Variants in OXR1 observed in about 807,000 individuals in gnomAD.
The protein encoded by OXR1 is oxidation resistance protein 1.
Under a neutral mutation model 104.6 loss-of-function variants are expected in OXR1, and 41 were observed. The observed-to-expected ratio is 0.39, with a 90% CI of 0.31 to 0.51. The LOEUF is 0.51. Among genes scored for constraint, OXR1 ranks in the 20% least tolerant of loss-of-function variants. OXR1 has a pLI of 0.77. For synonymous variants in OXR1, 348 were observed against 348.4 expected (o/e 1.00, Z 0.01); for missense variants, 955 against 1,031.9 (o/e 0.93, Z 1.02).
At chr8:106,671,692 A>ATC (rs1826998295) in intron 3 of OXR1, among the ~76,000 whole-genome samples, 1 of 151,820 alleles carries the variant, frequency 6.6e-6, no homozygotes, top group African/African-American at 2.4e-5. Flanking sequence ...GCTGGAAACC[A>ATC]TCATTCTCAG....
intron 2 of OXR1, among the ~76,000 whole-genome samples, chr8:106,481,943 T>A (rs1551266): frequency 0.11 from 16,403 of 151,998 alleles, 971 homozygotes; most frequent in African/African-American, 0.15. Context: ...ATATGTAAGA[T>A]AATACATTTG....
chr8:106,564,127 T>C (rs78246614), intron 3 of OXR1, among the ~76,000 whole-genome samples: 2 of 150,708 alleles, frequency 1.3e-5, no homozygotes, highest in Non-Finnish European at 3.0e-5. Flanking sequence ...AGGTAAGAAA[T>C]AACTAAGAGC....
At chr8:106,447,979 C>G (rs28459991) in intron 2 of OXR1, 2 of 1,535,226 alleles carry the variant, frequency 1.3e-6, no homozygotes, top group African/African-American at 2.7e-5. Flanking sequence ...AGATCCGCCC[C>G]GGCTCCCACA....
intron 2 of OXR1, among the ~76,000 whole-genome samples, chr8:106,397,062 C>CAT (rs1180225003): frequency 1.3e-5 from 2 of 151,940 alleles, no homozygotes; most frequent in Non-Finnish European, 2.9e-5. Flanking sequence ...GTAAATTATT[C>CAT]ATATTGCATT....
At chr8:106,468,408 C>CCA (rs147013671) in intron 2 of OXR1, among the ~76,000 whole-genome samples, 7 of 151,210 alleles carry the variant, frequency 4.6e-5, no homozygotes, top group African/African-American at 7.3e-5. Context: ...TATACTACAT[C>CCA]CACACACACA....
intron 2 of OXR1, among the ~76,000 whole-genome samples, chr8:106,503,207 A>C (rs1811924063): frequency 6.6e-6 from 1 of 152,224 alleles, no homozygotes; most frequent in Non-Finnish European, 1.5e-5. Context: ...CTTCTTTGGC[A>C]GTTTCAACCC....
intron 3 of OXR1, among the ~76,000 whole-genome samples, chr8:106,653,253 A>G (rs1159455339): frequency 1.3e-5 from 2 of 151,870 alleles, no homozygotes; most frequent in African/African-American, 4.8e-5. Flanking sequence ...ATACTTCTCA[A>G]TTCATTGTCA....
At chr8:106,507,594 G>A (rs1432330633) in intron 2 of OXR1, among the ~76,000 whole-genome samples, 1 of 152,218 alleles carries the variant, frequency 6.6e-6, no homozygotes, top group Non-Finnish European at 1.5e-5. Context: ...CAGGGAATCG[G>A]AGATGAAGCT....
At chr8:106,522,174 T>G (rs1379354161) in intron 3 of OXR1, among the ~76,000 whole-genome samples, 3 of 152,104 alleles carry the variant, frequency 2.0e-5, no homozygotes, top group Non-Finnish European at 4.4e-5. Context: ...CTAGAATTAT[T>G]TTCCTAGAAG....
chr8:106,467,827 T>C (rs931857715), intron 2 of OXR1, among the ~76,000 whole-genome samples: 4 of 151,912 alleles, frequency 2.6e-5, no homozygotes, highest in Non-Finnish European at 5.9e-5. Flanking sequence ...TTAGAGACAA[T>C]GTTGACAAAT....
chr8:106,590,411 T>C (rs575001825), intron 3 of OXR1, among the ~76,000 whole-genome samples: 3 of 152,252 alleles, frequency 2.0e-5, no homozygotes, highest in Admixed American at 6.5e-5. Context: ...CCTTAGCCTC[T>C]CAAGTACCTG....
intron 1 of OXR1, among the ~76,000 whole-genome samples, chr8:106,325,717 C>G (rs1437950409): frequency 1.3e-5 from 2 of 152,144 alleles, no homozygotes; most frequent in Non-Finnish European, 2.9e-5. Flanking sequence ...TCACTCAGAT[C>G]TGAATGCTTT....
intron 3 of OXR1, among the ~76,000 whole-genome samples, chr8:106,554,497 G>A (rs141647532): frequency 4.6e-5 from 7 of 152,178 alleles, no homozygotes; most frequent in South Asian, 4.1e-4. Context: ...AAATAAGACC[G>A]GTAGATTAGT....
At chr8:106,280,560 T>C (rs1389780727) in intron 1 of OXR1, among the ~76,000 whole-genome samples, 2 of 152,054 alleles carry the variant, frequency 1.3e-5, no homozygotes, top group African/African-American at 4.8e-5. Flanking sequence ...AGAATGGTGT[T>C]TGCAAGGGGA....
rs11348392 is a variant in OXR1 at position 106,636,315 on chromosome 8, A to AT, written c.221-42882dup. ...GTACTTACTCACTGTAAAGCACATCATTTTTTTTTTTTTATTTCTGGACAA... is the reference window on the plus strand; with the variant it reads ...GTACTTACTCACTGTAAAGCACATCATTTTTTTTTTTTTTATTTCTGGACAA... On this transcript the variant is annotated intron_variant, in intron 3 of 16. Transcript: ENST00000517566. Among the ~76,000 whole-genome samples, 1,040 of 148,736 alleles carry AT rather than the reference A, an allele frequency of 7.0e-3. 3 individuals are homozygous for AT. Among genetic ancestry groups the AT allele is most frequent in the African/African-American group, 0.017 (711 of 40,694 alleles).
At chr8:106,430,611 G>C (rs2130561703) in intron 2 of OXR1, among the ~76,000 whole-genome samples, 1 of 152,216 alleles carries the variant, frequency 6.6e-6, no homozygotes, top group East Asian at 1.9e-4. Flanking sequence ...ATAGAGTTTG[G>C]GATATTTTAG....
chr8:106,279,373 A>G lies in OXR1; in HGVS notation c.-139+9006A>G, dbSNP rs114659882. On this transcript the variant is annotated intron_variant, in intron 1 of 16. Transcript: ENST00000517566. ...AGCCTTTAAGGCATAGCTGTTGATT[A>G]TATACTGTATTAAGAGTTTTGTGTT... Among the ~76,000 whole-genome samples, 1,189 of 152,278 alleles carry G rather than the reference A, an allele frequency of 7.8e-3. 15 individuals are homozygous for G. Among genetic ancestry groups the G allele is most frequent in the African/African-American group, 0.026 (1,092 of 41,558 alleles).
chr8:106,282,413 A>G (rs1174372492), intron 1 of OXR1, among the ~76,000 whole-genome samples: 1 of 152,208 alleles, frequency 6.6e-6, no homozygotes, highest in Non-Finnish European at 1.5e-5. Flanking sequence ...TTTTATTTCA[A>G]GTATAGTTGA....
chr8:106,452,681 T>G (rs1017959372), intron 2 of OXR1, among the ~76,000 whole-genome samples: 2 of 152,178 alleles, frequency 1.3e-5, no homozygotes, highest in Admixed American at 1.3e-4. Flanking sequence ...ATGAGAACAT[T>G]TCAAATTAAT....
Sources: allele counts gnomAD v4.1 joint callset (sites outside exome capture counted in the v4.1 genomes callset), GRCh38; gene constraint gnomAD v4.1.1; transcripts MANE v1.5; gene names NCBI Gene and HGNC (gene_info 2026-07-23, HGNC 2026-07-21).